The following CEP63 variants were observed in gnomAD, a reference collection of about 807,000 sequenced individuals.
The protein encoded by CEP63 is centrosomal protein 63.
CEP63 carries 84 observed loss-of-function variants against 89.1 expected under a neutral mutation model. That is an observed-to-expected ratio of 0.94 (90% confidence interval 0.79 to 1.13). The LOEUF (loss-of-function observed/expected upper bound fraction) is 1.13. Among genes scored for constraint, CEP63 ranks in the 50% most tolerant of loss-of-function variants. The pLI, the probability that CEP63 is intolerant of heterozygous loss-of-function variation, is 0.00. For missense variants in CEP63, 838 were observed against 813.3 expected (o/e 1.03, Z -0.37); for synonymous variants, 267 against 272.5 (o/e 0.98, Z 0.20).
chr3:134,673,850 G>A, the CEP63 span, among the ~76,000 whole-genome samples: 1 of 152,248 alleles, frequency 6.6e-6, no homozygotes, highest in South Asian at 2.1e-4. Context: ...GCCACATTCT[G>A]TGGTGAGCAC....
chr3:134,607,636 T>G, the CEP63 span: 1 of 985,658 alleles, frequency 1.0e-6, no homozygotes, highest in African/African-American at 1.7e-5. Flanking sequence ...GAGACAATCT[T>G]CCAGAGAAGG....
chr3:134,551,744 TATATATATATACAC>T (rs1171604019), intron 11 of CEP63, among the ~76,000 whole-genome samples, 168 bp from the exon 12 acceptor site: 11 of 43,414 alleles, frequency 2.5e-4, no homozygotes, highest in Non-Finnish European at 4.3e-4. Context: ...TATATATATA[TATATATATATACAC>T]ACACACACGT....
the CEP63 span, among the ~76,000 whole-genome samples, chr3:134,621,731 TAA>T: frequency 6.6e-5 from 10 of 151,838 alleles, no homozygotes; most frequent in Non-Finnish European, 1.5e-4. Flanking sequence ...TTCGTGAAAA[TAA>T]AAAATTTCTG....
At chr3:134,685,546 G>A in the CEP63 span, among the ~76,000 whole-genome samples, 1 of 151,890 alleles carries the variant, frequency 6.6e-6, no homozygotes, top group African/African-American at 2.4e-5. Context: ...ATCTCTGTGT[G>A]CCCATCTTTA....
At chr3:134,608,728 C>T in the CEP63 span, 1 of 1,614,046 alleles carries the variant, frequency 6.2e-7, no homozygotes, top group East Asian at 2.2e-5. Flanking sequence ...ACATGTTGTT[C>T]TCAAACTGCC....
At chr3:134,527,180 A>G (rs1347540553) in intron 3 of CEP63, among the ~76,000 whole-genome samples, 1 of 152,166 alleles carries the variant, frequency 6.6e-6, no homozygotes, top group East Asian at 1.9e-4. Context: ...TGCCTCCCTG[A>G]GAGCATTCAC....
At chr3:134,722,553 A>C in the CEP63 span, among the ~76,000 whole-genome samples, 4 of 151,628 alleles carry the variant, frequency 2.6e-5, no homozygotes, top group African/African-American at 4.9e-5. Context: ...TCTTTCATTC[A>C]TTTCCATTCT....
the CEP63 span, among the ~76,000 whole-genome samples, chr3:134,593,844 C>A: frequency 6.6e-6 from 1 of 152,178 alleles, no homozygotes; most frequent in Non-Finnish European, 1.5e-5. Context: ...GATGCCCTCC[C>A]ACAATCAGGT....
At chr3:134,498,047 T>G (rs1163456815) in intron 2 of CEP63, among the ~76,000 whole-genome samples, 1 of 152,208 alleles carries the variant, frequency 6.6e-6, no homozygotes, top group African/African-American at 2.4e-5. Context: ...CTTTGGCTAT[T>G]CAGGGCCTTT....
intron 3 of CEP63, among the ~76,000 whole-genome samples, chr3:134,513,038 A>G (rs1945359965): frequency 6.6e-6 from 1 of 152,160 alleles, no homozygotes; most frequent in Middle Eastern, 3.2e-3. Flanking sequence ...AAGGCAATTA[A>G]TCTGTCCATT....
chr3:134,547,552 T>A, intron 9 of CEP63, 80 bp downstream of exon 9: 1 of 1,138,806 alleles, frequency 8.8e-7, no homozygotes, highest in Non-Finnish European at 1.3e-6. Context: ...ATGAATGTAA[T>A]AGTCATAGTA....
intron 6 of CEP63, among the ~76,000 whole-genome samples, chr3:134,543,763 G>A (rs952947423): frequency 6.6e-6 from 1 of 152,140 alleles, no homozygotes; most frequent in Non-Finnish European, 1.5e-5. Context: ...TCAGCAAGCT[G>A]GGCTCTAACC....
chr3:134,605,412 C>T, the CEP63 span, among the ~76,000 whole-genome samples: 10 of 152,292 alleles, frequency 6.6e-5, no homozygotes, highest in East Asian at 1.7e-3. Flanking sequence ...TAGGAACTTT[C>T]CCCTAGCTTG....
the CEP63 span, among the ~76,000 whole-genome samples, chr3:134,724,245 C>G: frequency 6.6e-6 from 1 of 152,154 alleles, no homozygotes; most frequent in Admixed American, 6.5e-5. Context: ...ACTGGAAGAC[C>G]CCAGTGTCAC....
intron 1 of CEP63, among the ~76,000 whole-genome samples, chr3:134,491,807 A>G (rs893805611): frequency 2.6e-5 from 4 of 152,158 alleles, no homozygotes; most frequent in African/African-American, 9.7e-5. Context: ...GACAGAGAGC[A>G]TTGTTATCCT....
downstream of CEP63, among the ~76,000 whole-genome samples, chr3:134,577,398 A>T (rs1049970556): frequency 1.3e-5 from 2 of 149,898 alleles, no homozygotes; most frequent in Non-Finnish European, 3.0e-5. Flanking sequence ...AAAAAAGCTT[A>T]CCAAAAACTT....
At chr3:134,642,539 T>C in the CEP63 span, among the ~76,000 whole-genome samples, 1 of 142,100 alleles carries the variant, frequency 7.0e-6, no homozygotes, top group East Asian at 2.2e-4. Flanking sequence ...TCAACTGTAG[T>C]CAGTGATGCC....
the CEP63 span, among the ~76,000 whole-genome samples, chr3:134,777,395 T>C: frequency 6.6e-6 from 1 of 152,192 alleles, no homozygotes; most frequent in African/African-American, 2.4e-5. Context: ...GATCTTTTTT[T>C]TCACTCTCAA....
the CEP63 span, among the ~76,000 whole-genome samples, chr3:134,711,068 G>A: frequency 6.6e-6 from 1 of 152,008 alleles, no homozygotes; most frequent in Non-Finnish European, 1.5e-5. Context: ...AAAATTTTAT[G>A]TACACACATG....
Sources: allele counts gnomAD v4.1 joint callset (sites outside exome capture counted in the v4.1 genomes callset), GRCh38; gene constraint gnomAD v4.1.1; transcripts MANE v1.5; gene names NCBI Gene and HGNC (gene_info 2026-07-23, HGNC 2026-07-21).